HMGN3: variants seen among roughly 807,000 people sequenced by gnomAD.
The protein encoded by HMGN3 is high mobility group nucleosomal binding domain 3.
Under a neutral mutation model 18.8 loss-of-function variants are expected in HMGN3, and 6 were observed. That is an observed-to-expected ratio of 0.32 (90% CI 0.18 to 0.63). The LOEUF (loss-of-function observed/expected upper bound fraction) is 0.63. Ranked by LOEUF, HMGN3 falls within the 30% of genes least tolerant of loss-of-function variation. The probability of loss-of-function intolerance (pLI) is 0.79; values close to 1 mark genes in which losing one functional copy is unlikely to be tolerated. For missense variants in HMGN3, 107 were observed against 114.2 expected (o/e 0.94, Z 0.29); for synonymous variants, 40 against 36.5 (o/e 1.10, Z -0.35).
chr6:79,206,529 T>A (rs1379574825), intron 3 of HMGN3, among the ~76,000 whole-genome samples: 1 of 152,206 alleles, frequency 6.6e-6, no homozygotes, highest in African/African-American at 2.4e-5. Flanking sequence ...AAATGAGGTT[T>A]GGGAACCTCT....
intron 2 of HMGN3, 136 bp downstream of exon 2, chr6:79,214,836 G>A (rs1237720673): frequency 4.8e-6 from 3 of 619,148 alleles, no homozygotes; most frequent in Non-Finnish European, 8.4e-6. Flanking sequence ...CTTTCAGGTA[G>A]TCTTAACAAC....
chr6:79,207,710 T>G (rs1162357333), intron 3 of HMGN3, among the ~76,000 whole-genome samples: 1 of 152,198 alleles, frequency 6.6e-6, no homozygotes, highest in Non-Finnish European at 1.5e-5. Flanking sequence ...TTTGATTCCT[T>G]ATATTGTATC....
At position 79,202,399 on chromosome 6, in the gene HMGN3, G is replaced by A; in HGVS notation, c.148-10C>T. ...TTGCTCCAGGTTCTTTCTAACAGAG[G>A]ATCAAAGCACAGTGAAAGAGAATGT... is the stretch of plus-strand genomic sequence containing the variant. On this transcript the variant is annotated splice_polypyrimidine_tract_variant and intron_variant, in intron 4 of 5. Transcript: ENST00000344726. The A allele has an allele frequency of 6.3e-7, 1 of 1,596,200 alleles. No homozygotes were observed. Among genetic ancestry groups the A allele is most frequent in the Non-Finnish European group, 8.6e-7 (1 of 1,163,978 alleles).
intron 1 of HMGN3, among the ~76,000 whole-genome samples, chr6:79,230,909 T>C (rs1777806552): frequency 1.3e-5 from 2 of 152,218 alleles, no homozygotes; most frequent in Admixed American, 1.3e-4. Flanking sequence ...CAAACCTTGA[T>C]CATGGTTAGT....
At chr6:79,212,678 G>T (rs561779759) in intron 2 of HMGN3, among the ~76,000 whole-genome samples, 1 of 152,206 alleles carries the variant, frequency 6.6e-6, no homozygotes. Flanking sequence ...CAAGTCCCCT[G>T]AAGTACTATC....
At position 79,214,977 on chromosome 6, in the gene HMGN3, GT is replaced by G. The variant is rs1270040275; in HGVS notation, c.60del (p.Lys20AsnfsTer75). ...GATGTCAAAGATATACTTACCTCCT[GT>G]TTAGTTACTTTGGATCCATCTTTGC... On this transcript the variant is annotated frameshift_variant, in exon 2 of 6. Coordinates refer to ENST00000344726, the Ensembl canonical transcript of HMGN3. LOFTEE classifies it high-confidence loss of function. The G allele has an allele frequency of 1.5e-5, 22 of 1,489,614 alleles. No homozygotes were observed. Among genetic ancestry groups the G allele is most frequent in the Non-Finnish European group, 2.0e-5 (22 of 1,082,686 alleles). 92.3% of individuals were successfully genotyped at this position (1,489,614 alleles called of 1,614,324 possible).
intron 2 of HMGN3, among the ~76,000 whole-genome samples, chr6:79,209,218 C>T (rs1448770842): frequency 6.6e-6 from 1 of 152,116 alleles, no homozygotes; most frequent in Non-Finnish European, 1.5e-5. Context: ...AGAAAATTTA[C>T]AGAGAAACTG....
intron 4 of HMGN3, among the ~76,000 whole-genome samples, chr6:79,202,904 G>C (rs1776216050): frequency 6.6e-6 from 1 of 152,154 alleles, no homozygotes; most frequent in South Asian, 2.1e-4. Context: ...AACAACAAAA[G>C]TGAGTTCTGT....
At chr6:79,230,550 G>C (rs1777791200) in intron 1 of HMGN3, among the ~76,000 whole-genome samples, 1 of 151,978 alleles carries the variant, frequency 6.6e-6, no homozygotes. Context: ...AACCAGATTG[G>C]TTATTTTAAA....
chr6:79,232,130 C>G (rs1777869776), intron 1 of HMGN3, among the ~76,000 whole-genome samples: 1 of 152,180 alleles, frequency 6.6e-6, no homozygotes, highest in African/African-American at 2.4e-5. Flanking sequence ...GCAGACAATT[C>G]TTTAGTCAAG....
chr6:79,208,551 G>A, exon 3 of HMGN3: 1 of 1,610,200 alleles, frequency 6.2e-7, no homozygotes. Flanking sequence ...ACTTACCGCT[G>A]ACAATCTGGC....
chr6:79,208,631 T>C (rs1258360120), intron 2 of HMGN3, 55 bp from the exon 3 acceptor site: 17 of 1,366,192 alleles, frequency 1.2e-5, no homozygotes, highest in Non-Finnish European at 1.8e-5. Context: ...TAAAACGAAG[T>C]TGATTTTTAA....
chr6:79,221,031 G>A (rs965772301), intron 1 of HMGN3, among the ~76,000 whole-genome samples: 1 of 151,998 alleles, frequency 6.6e-6, no homozygotes, highest in Non-Finnish European at 1.5e-5. Context: ...TTATTTCCTG[G>A]ATTTCTCTGT....
intron 3 of HMGN3, among the ~76,000 whole-genome samples, chr6:79,208,139 A>G (rs886106350): frequency 1.3e-5 from 2 of 152,228 alleles, no homozygotes; most frequent in African/African-American, 4.8e-5. Context: ...ATGAGGCTAC[A>G]GTATATGGAC....
chr6:79,207,634 A>C (rs1776485887), intron 3 of HMGN3, among the ~76,000 whole-genome samples: 1 of 152,210 alleles, frequency 6.6e-6, no homozygotes, highest in South Asian at 2.1e-4. Flanking sequence ...CACGTGAAAC[A>C]CTGGCTTGCC....
intron 1 of HMGN3, among the ~76,000 whole-genome samples, chr6:79,227,074 G>A (rs1582444234): frequency 1.3e-5 from 2 of 152,104 alleles, no homozygotes; most frequent in Non-Finnish European, 2.9e-5. Flanking sequence ...TACTATGAAG[G>A]CAGACAGCTT....
At chr6:79,203,359 C>CA (rs1776247720) in intron 4 of HMGN3, among the ~76,000 whole-genome samples, 1 of 152,174 alleles carries the variant, frequency 6.6e-6, no homozygotes, top group Non-Finnish European at 1.5e-5. Context: ...TGAGGCTTCT[C>CA]AGAGCAACAT....
At chr6:79,203,539 C>T (rs777788738) in intron 4 of HMGN3, 41 bp downstream of exon 4, 6 of 1,484,238 alleles carry the variant, frequency 4.0e-6, no homozygotes, top group Non-Finnish European at 3.8e-6. Context: ...ATAATTTATT[C>T]ATTGTTTAAA....
intron 1 of HMGN3, among the ~76,000 whole-genome samples, chr6:79,222,521 T>A (rs537203060): frequency 2.6e-5 from 4 of 152,328 alleles, no homozygotes; most frequent in African/African-American, 9.6e-5. Context: ...GGTAGTCTCC[T>A]TAAATTCAAA....
Sources: allele counts gnomAD v4.1 joint callset (sites outside exome capture counted in the v4.1 genomes callset), GRCh38; gene constraint gnomAD v4.1.1; transcripts MANE v1.5; gene names NCBI Gene and HGNC (gene_info 2026-07-23, HGNC 2026-07-21).